MVD: variants seen among roughly 807,000 people sequenced by gnomAD.
MVD encodes the protein diphosphomevalonate decarboxylase.
Under a neutral mutation model 42.4 loss-of-function variants are expected in MVD, and 52 were observed. The ratio of observed to expected loss-of-function variants is 1.23; its 90% CI spans 0.98 to 1.55. The LOEUF is 1.55. MVD is among the 40% of genes most tolerant of loss of function. The pLI, the probability that MVD is intolerant of heterozygous loss-of-function variation, is 0.00. For missense variants in MVD, 663 were observed against 572.1 expected, an observed-to-expected ratio of 1.16 and a Z score of -1.62; for synonymous variants, 287 against 243.2, an observed-to-expected ratio of 1.18 and a Z score of -1.68.
Position 88,652,475 on chromosome 16 carries a change from CCGG to C in MVD, c.*47_*49del. 1 of 1,542,452 alleles carries C rather than the reference CCGG, an allele frequency of 6.5e-7. No individual in the cohort carries two copies. Among genetic ancestry groups the C allele is most frequent in the Non-Finnish European group, 8.8e-7 (1 of 1,140,012 alleles). ...AGCCCACCACATCCGCTCCCTAGCTCCGGCGAGGCCACCCCTTCTCCAAGCGGC... is the reference window on the plus strand; with the variant it reads ...AGCCCACCACATCCGCTCCCTAGCTCCGAGGCCACCCCTTCTCCAAGCGGC... On this transcript the variant is annotated 3_prime_UTR_variant, in exon 10 of 10. Coordinates refer to ENST00000301012, the MANE Select transcript of MVD (RefSeq NM_002461.3).
At position 88,652,722 on chromosome 16, in the gene MVD, C is replaced by G. The variant is rs1037646397; in HGVS notation, c.1123-117G>C. 4.0e-6 allele frequency: 4 copies of G among 1,012,458 alleles called. No individual in the cohort carries two copies. The African/African-American group carries it at 6.5e-5, about 16-fold the overall frequency. 62.7% of individuals were successfully genotyped at this position (1,012,458 alleles called of 1,614,324 possible). On this transcript the variant is annotated intron_variant, in intron 9 of 9. Transcript: ENST00000301012. ...TGTGCCCCCGCCCTTCCTGTGGGTC[C>G]TGGTCAGAAGGTAAAGCGCCTGAGT...
In MVD at chr16:88,655,399, C is replaced by A. The variant is rs1907848707; in HGVS notation, c.697G>T (p.Val233Leu). Residue 233 changes from valine to leucine, a missense_variant, in exon 7 of 10, where the codon GTG (valine) becomes TTG (leucine). By Grantham distance (32) the Val-to-Leu change is conservative (BLOSUM62 1). Transcript: ENST00000301012. ...GCCATCTCCGCCATGCGCGCGGGCA[C>A]CACGGACTCGGCCCGGAACTGCAAG... ...PLLRFRAESVVPARMAEMARC... is the reference protein window; with the variant it reads ...PLLRFRAESVLPARMAEMARC... 1.3e-6 allele frequency: 2 copies of A among 1,583,666 alleles called. 1 individual carries two copies. The highest frequency in any genetic ancestry group is 2.3e-5 in the South Asian group (2 of 87,286).
chr16:88,657,579 C>T lies in MVD; in HGVS notation c.260G>A (p.Arg87His), dbSNP rs200100993. The stretch of plus-strand genomic sequence containing the variant: ...GTTCCTCCGCTTCCGGGCCAGGCAG[C>T]GGACTGCAGAGACAATGAGACAGCG... ...PRLQACLREI[R>H]CLARKRRNSR... Residue 87 changes from arginine (R) to histidine (H), a missense_variant, in exon 4 of 10, where the codon CGC becomes CAC. Transcript: ENST00000301012. 5.4e-5 allele frequency: 87 copies of T among 1,612,176 alleles called. No homozygotes were observed. The highest frequency in any genetic ancestry group is 6.7e-5 in the Non-Finnish European group (79 of 1,179,502).
Position 88,654,751 on chromosome 16 carries a change from A to T in MVD, c.954T>A (p.Thr318=). 6.2e-7 allele frequency: 1 copy of T among 1,601,818 alleles called. No individual in the cohort carries two copies. Among genetic ancestry groups the T allele is most frequent in the Non-Finnish European group, 8.5e-7 (1 of 1,176,050 alleles). The change falls in exon 8 of 10, where the codon ACT becomes ACA. Residue 318 remains threonine, a synonymous_variant. Coordinates refer to ENST00000301012, the MANE Select transcript of MVD (RefSeq NM_002461.3). ...PNAVIFTLDD[T]VAEFVAAVWH... is the part of the protein sequence containing the mutation. Reference sequence around the variant, plus strand: ...ACACAGCAGCCACAAACTCAGCCACAGTGTCGTCCAGGGTGAAGATCACGG... The same window carrying T: ...ACACAGCAGCCACAAACTCAGCCACTGTGTCGTCCAGGGTGAAGATCACGG...
chr16:88,653,529 G>A (rs1191640200), intron 8 of MVD, 121 bp from the exon 9 acceptor site: 2 of 789,354 alleles, frequency 2.5e-6, no homozygotes, highest in African/African-American at 3.6e-5. Flanking sequence ...TCAGGGAGGG[G>A]GAGACGGCAG....
At chr16:88,660,368 G>A (rs1908216326) in intron 1 of MVD, among the ~76,000 whole-genome samples, 1 of 152,216 alleles carries the variant, frequency 6.6e-6, no homozygotes, top group Non-Finnish European at 1.5e-5. Context: ...CTGTTGGTGA[G>A]CCTCAGTGGC....
At chr16:88,661,146 G>A (rs755015202) in intron 1 of MVD, among the ~76,000 whole-genome samples, 7 of 151,570 alleles carry the variant, frequency 4.6e-5, no homozygotes, top group Non-Finnish European at 8.8e-5. Context: ...TGGGCTAACT[G>A]GACAACCTTG....
At chr16:88,662,989 C>G (rs768856117) in intron 1 of MVD, 22 bp downstream of exon 1, 3 of 1,589,104 alleles carry the variant, frequency 1.9e-6, no homozygotes, top group East Asian at 2.3e-5. Flanking sequence ...ATCCCCGTCC[C>G]AGGCCGGCCC....
Position 88,652,174 on chromosome 16 carries a change from C to T in MVD, c.*351G>A, listed in dbSNP as rs1488109617. 1 of 407,390 alleles carries T rather than the reference C, an allele frequency of 2.5e-6. No individual in the cohort carries two copies. The highest frequency in any genetic ancestry group is 4.6e-6 in the Non-Finnish European group (1 of 218,610). The allele number at this position is 407,390 out of a possible 1,614,324, so 25.2% of individuals were successfully genotyped here. On this transcript the variant is annotated 3_prime_UTR_variant, in exon 10 of 10. Transcript: ENST00000301012. ...CCCCTTCCCTGGTCCGCTGGAGGGA[C>T]CACCTCCCCACTGAGCTCCTTTCTC...
chr16:88,655,192 G>GC lies in MVD; in HGVS notation c.897+6dup. The GC allele has an allele frequency of 6.4e-7, 1 of 1,554,622 alleles. No homozygotes were observed. The highest frequency in any genetic ancestry group is 8.7e-7 in the Non-Finnish European group (1 of 1,149,084). Reference sequence around the variant, plus strand: ...AGCGCAGCCTCTGCCCTCCCGGCCCGCGTCACCTTGGTGTCCCCGTGGTGG... The same window carrying GC: ...AGCGCAGCCTCTGCCCTCCCGGCCCGCCGTCACCTTGGTGTCCCCGTGGTGG... On this transcript the variant is annotated splice_region_variant and intron_variant, in intron 7 of 9. Coordinates refer to ENST00000301012, the MANE Select transcript of MVD (RefSeq NM_002461.3).
intron 1 of MVD, chr16:88,662,750 G>C: frequency 1.4e-6 from 2 of 1,477,396 alleles, no homozygotes; most frequent in Non-Finnish European, 1.8e-6. Flanking sequence ...TCGATAGTTC[G>C]GTAATCGCTA....
chr16:88,657,225 C>T (rs1040374572), intron 4 of MVD: 1 of 763,380 alleles, frequency 1.3e-6, no homozygotes, highest in Non-Finnish European at 2.2e-6. Context: ...GGATTACAGG[C>T]GAGAGCCCCA....
chr16:88,657,301 A>G, intron 4 of MVD, 135 bp downstream of exon 4: 1 of 1,230,266 alleles, frequency 8.1e-7, no homozygotes, highest in South Asian at 1.3e-5. Context: ...ACAACTCCAG[A>G]GAGGCCAGGG....
At position 88,655,277 on chromosome 16, in the gene MVD, G is replaced by A; in HGVS notation, c.819C>T (p.Pro273=). ...AGGAGATGGCATTGAGGTAAGAGAT[G>A]GGCGGGAAGGTGTCGAGGCAGGTGG... ...FHATCLDTFP[P]ISYLNAISWR... is the part of the protein sequence containing the mutation. The change falls in exon 7 of 10, where the codon CCC becomes CCT. Residue 273 remains proline, a synonymous_variant. Transcript: ENST00000301012. The A allele has an allele frequency of 6.3e-7, 1 of 1,591,568 alleles. No individual in the cohort carries two copies. Among genetic ancestry groups the A allele is most frequent in the Non-Finnish European group, 8.6e-7 (1 of 1,169,142 alleles).
chr16:88,657,244 G>T, intron 4 of MVD, 192 bp downstream of exon 4: 1 of 841,622 alleles, frequency 1.2e-6, no homozygotes, highest in African/African-American at 1.7e-5. Flanking sequence ...CACGCCAGCT[G>T]CAACTGGAAG....
chr16:88,653,451 C>T, intron 8 of MVD, 43 bp from the exon 9 acceptor site: 5 of 1,522,668 alleles, frequency 3.3e-6, no homozygotes, highest in Non-Finnish European at 4.5e-6. Context: ...ATCCGTTTCT[C>T]TAAGCGTCTA....
chr16:88,653,619 C>A, intron 8 of MVD: 1 of 535,454 alleles, frequency 1.9e-6, no homozygotes, highest in Non-Finnish European at 3.3e-6. Context: ...TCACATGACC[C>A]TGTGAATGTC....
At chr16:88,659,098 C>G (rs1261437256) in intron 1 of MVD, 1 of 276,142 alleles carries the variant, frequency 3.6e-6, no homozygotes, top group East Asian at 7.8e-5. Flanking sequence ...CTCATATGCC[C>G]CAGGAACATC....
Position 88,656,545 on chromosome 16 carries a change from A to G in MVD, c.404-241T>C, listed in dbSNP as rs567716531. On this transcript the variant is annotated intron_variant, in intron 4 of 9. Coordinates refer to ENST00000301012, the MANE Select transcript of MVD (RefSeq NM_002461.3). ...CCTGCAGAGCTTGCGGCCCGCGACA[A>G]GGGCAACAAAAGGTACCTGCGGCAG... 3 of 582,484 alleles carry G rather than the reference A, an allele frequency of 5.2e-6. No individual in the cohort carries two copies. The East Asian group carries it at 8.5e-5, about 16-fold the overall frequency. The allele number at this position is 582,484 out of a possible 1,614,324, so 36.1% of individuals were successfully genotyped here.
Sources: allele counts gnomAD v4.1 joint callset (sites outside exome capture counted in the v4.1 genomes callset), GRCh38; gene constraint gnomAD v4.1.1; transcripts MANE v1.5; gene names NCBI Gene and HGNC (gene_info 2026-07-23, HGNC 2026-07-21).